Variants in TRANK1 observed in about 807,000 individuals in gnomAD.
The protein encoded by TRANK1 is TPR and ankyrin repeat-containing protein 1.
Under a neutral mutation model 266.0 loss-of-function variants are expected in TRANK1, and 198 were observed. The observed-to-expected ratio is 0.74, with a 90% confidence interval of 0.66 to 0.84. The LOEUF is 0.84. Ranked by LOEUF, TRANK1 falls within the 40% of genes least tolerant of loss-of-function variation. The probability of loss-of-function intolerance (pLI) is 0.00; values close to 1 mark genes in which losing one functional copy is unlikely to be tolerated. For missense variants in TRANK1, 3,326 were observed against 3,634.6 expected (o/e 0.92, Z 2.18); for synonymous variants, 1,396 against 1,384.1 (o/e 1.01, Z -0.19).
chr3:36,879,150 T>A (rs1337754813), intron 8 of TRANK1, among the ~76,000 whole-genome samples: 1 of 150,842 alleles, frequency 6.6e-6, no homozygotes, highest in Non-Finnish European at 1.5e-5. Context: ...TTTTGGCAAT[T>A]GTTTAAAAAA....
intron 15 of TRANK1, chr3:36,851,460 G>A: frequency 2.1e-5 from 26 of 1,222,980 alleles, no homozygotes; most frequent in Non-Finnish European, 2.7e-5. Context: ...ACTGGACACT[G>A]GCACTTGGGT....
At position 36,893,788 on chromosome 3, in the gene TRANK1, G is replaced by T. The variant is rs535639846; in HGVS notation, c.553-804C>A. ...GACTGGAGACCCAGTCTCAGCTCCA[G>T]CCTCTCTCATGTATGGCTTTTGCCA... On this transcript the variant is annotated intron_variant, in intron 5 of 23. Coordinates refer to ENST00000645898, the MANE Select transcript of TRANK1 (RefSeq NM_001329998.2). Among the ~76,000 whole-genome samples, 35 of 152,272 alleles carry T rather than the reference G, an allele frequency of 2.3e-4. No individual in the cohort carries two copies. In the Middle Eastern group the frequency reaches 0.01, roughly 44 times the overall value.
intron 1 of TRANK1, among the ~76,000 whole-genome samples, chr3:36,935,025 A>T (rs2080405643): frequency 6.6e-6 from 1 of 152,116 alleles, no homozygotes; most frequent in Non-Finnish European, 1.5e-5. Context: ...GACAGTCCCC[A>T]AGACCATCAG....
At chr3:36,878,417 G>C (rs930480352) in intron 8 of TRANK1, among the ~76,000 whole-genome samples, 1 of 152,152 alleles carries the variant, frequency 6.6e-6, no homozygotes, top group Non-Finnish European at 1.5e-5. Context: ...ACAGCTGCAG[G>C]TCCTAAACTA....
chr3:36,896,917 C>T (rs1430031558), intron 4 of TRANK1, among the ~76,000 whole-genome samples: 1 of 152,014 alleles, frequency 6.6e-6, no homozygotes. Context: ...TCGCTTGAAC[C>T]CAGGAGTCGG....
intron 1 of TRANK1, among the ~76,000 whole-genome samples, chr3:36,911,820 G>C (rs2125635966): frequency 6.6e-6 from 1 of 152,326 alleles, no homozygotes; most frequent in Non-Finnish European, 1.5e-5. Flanking sequence ...TTACCATAAT[G>C]ACAATATTCT....
chr3:36,914,893 C>T (rs2080104011), intron 1 of TRANK1, among the ~76,000 whole-genome samples: 1 of 152,130 alleles, frequency 6.6e-6, no homozygotes, highest in South Asian at 2.1e-4. Flanking sequence ...CTGCCTCAGC[C>T]TCCCAAAATG....
chr3:36,843,229 T>A (rs552014836), intron 17 of TRANK1, among the ~76,000 whole-genome samples: 1 of 152,298 alleles, frequency 6.6e-6, no homozygotes, highest in South Asian at 2.1e-4. Context: ...CCAAACCACA[T>A]TTGTGAGGTT....
chr3:36,855,540 G>A lies in TRANK1; in HGVS notation c.4182C>T (p.Leu1394=). 6.2e-7 allele frequency: 1 copy of A among 1,613,938 alleles called. No homozygotes were observed. Among genetic ancestry groups the A allele is most frequent in the Non-Finnish European group, 8.5e-7 (1 of 1,179,880 alleles). Residue 1394 remains leucine, a synonymous_variant, in exon 13 of 24, where the codon CTC becomes CTT. Coordinates refer to ENST00000645898, the MANE Select transcript of TRANK1 (RefSeq NM_001329998.2). ...FKEDRSEIYS[L]FSLYQQIRSQ... ...ACCTGATTTGCTGATACAGACTGAA[G>A]AGGCTGTAGATCTCACTCCGGTCTT...
intron 17 of TRANK1, among the ~76,000 whole-genome samples, chr3:36,844,297 G>T (rs1575190698): frequency 6.6e-6 from 1 of 152,034 alleles, no homozygotes; most frequent in South Asian, 2.1e-4. Context: ...CACAATCTTG[G>T]GTTACTGCAA....
At chr3:36,911,775 A>G (rs1388785355) in intron 1 of TRANK1, among the ~76,000 whole-genome samples, 1 of 152,274 alleles carries the variant, frequency 6.6e-6, no homozygotes, top group East Asian at 1.9e-4. Flanking sequence ...TGATTTATTT[A>G]TAAGATGAAA....
chr3:36,928,618 G>GA (rs144990987), intron 1 of TRANK1, among the ~76,000 whole-genome samples: 19,592 of 152,154 alleles, frequency 0.13, 1,559 homozygotes, highest in East Asian at 0.35. Context: ...TTGTATCTCT[G>GA]TGACCTGAGG....
chr3:36,887,310 T>C (rs534734401), intron 8 of TRANK1, among the ~76,000 whole-genome samples: 2 of 152,312 alleles, frequency 1.3e-5, no homozygotes, highest in East Asian at 3.9e-4. Flanking sequence ...TGCAAGCTGG[T>C]TGATAAAAAT....
rs755517713 is a variant in TRANK1 at position 36,860,944 on chromosome 3, C to T, written c.1457G>A (p.Arg486Gln). Reference protein sequence around the residue: ...IIPHLSTWDQRKKQLLGCLID... With the variant: ...IIPHLSTWDQQKKQLLGCLID... ...CAGGCAGCCCAGAAGCTGTTTCTTC[C>T]GCTGGTCCCAGGTGCTGAGATGGGG... is the stretch of plus-strand genomic sequence containing the variant. The change falls in exon 11 of 24, where the codon CGG becomes CAG. Residue 486 changes from arginine (R) to glutamine (Q), a missense_variant. By Grantham distance (43) the Arg-to-Gln change is conservative. Coordinates refer to ENST00000645898, the MANE Select transcript of TRANK1 (RefSeq NM_001329998.2). The T allele has an allele frequency of 9.1e-6, 14 of 1,537,366 alleles. 1 individual carries two copies. The highest frequency in any genetic ancestry group is 4.8e-5 in the South Asian group (4 of 84,064).
At chr3:36,838,771 A>T in intron 18 of TRANK1, 55 bp from the exon 19 acceptor site, 1 of 1,532,416 alleles carries the variant, frequency 6.5e-7, no homozygotes, top group East Asian at 2.3e-5. Context: ...AACAGACAGA[A>T]CAACGGTTAA....
chr3:36,832,174 A>T lies in TRANK1; in HGVS notation c.7409T>A (p.Leu2470His). ...FIHCGVVLARLWKNVILCLPK... is the reference protein window; with the variant it reads ...FIHCGVVLARHWKNVILCLPK... Reference sequence around the variant, plus strand: ...GAGGCATAGAATGACATTCTTCCAGAGGCGGGCCAGCACCACCCCACAGTG... The same window carrying T: ...GAGGCATAGAATGACATTCTTCCAGTGGCGGGCCAGCACCACCCCACAGTG... Residue 2470 changes from leucine (L) to histidine (H), a missense_variant, in exon 22 of 24, where the codon CTC (leucine) becomes CAC (histidine). Coordinates refer to ENST00000645898, the MANE Select transcript of TRANK1 (RefSeq NM_001329998.2). The T allele has an allele frequency of 6.2e-7, 1 of 1,613,978 alleles. No homozygotes were observed.
chr3:36,944,305 G>T (rs533823649), intron 1 of TRANK1, among the ~76,000 whole-genome samples: 18 of 152,260 alleles, frequency 1.2e-4, no homozygotes, highest in African/African-American at 4.3e-4. Context: ...GCCGGGAAGA[G>T]GCCAGCGCGC....
chr3:36,927,893 C>T (rs892475203), intron 1 of TRANK1, among the ~76,000 whole-genome samples: 1 of 152,202 alleles, frequency 6.6e-6, no homozygotes, highest in Non-Finnish European at 1.5e-5. Context: ...CCTATTCCCA[C>T]CTCAGAGAAT....
intron 1 of TRANK1, among the ~76,000 whole-genome samples, chr3:36,925,008 G>C (rs141738931): frequency 7.2e-5 from 11 of 152,274 alleles, no homozygotes; most frequent in Admixed American, 2.6e-4. Context: ...GGCTCTCCCT[G>C]ATGGGAGAGA....
Sources: allele counts gnomAD v4.1 joint callset (sites outside exome capture counted in the v4.1 genomes callset), GRCh38; gene constraint gnomAD v4.1.1; transcripts MANE v1.5; gene names NCBI Gene and HGNC (gene_info 2026-07-23, HGNC 2026-07-21).